CD44: variants seen among roughly 807,000 people sequenced by gnomAD.
CD44 encodes the protein CD44 molecule (IN blood group).
In CD44, 49 loss-of-function variants were observed where a neutral mutation model predicts 88.8. That is an observed-to-expected ratio of 0.55 (90% CI 0.44 to 0.70). The LOEUF (loss-of-function observed/expected upper bound fraction) is 0.70. CD44 is among the 30% of genes least tolerant of loss of function. The pLI is 0.00. For missense variants in CD44, 883 were observed against 913.8 expected (o/e 0.97, Z 0.43); for synonymous variants, 325 against 312.3 (o/e 1.04, Z -0.43).
At chr11:35,144,618 C>G (rs533020414) in intron 1 of CD44, among the ~76,000 whole-genome samples, 1 of 152,236 alleles carries the variant, frequency 6.6e-6, no homozygotes, top group East Asian at 1.9e-4. Context: ...CAGAGTAAAC[C>G]GGAAGGGGTG....
chr11:35,181,945 A>AAATATATATT lies in CD44; in HGVS notation c.367+1539_367+1540insATATATATTA, dbSNP rs1565081207. Among the ~76,000 whole-genome samples the AAATATATATT allele has an allele frequency of 1.0e-3, 79 of 77,138 alleles. 3 individuals carry two copies. Among genetic ancestry groups the AAATATATATT allele is most frequent in the African/African-American group, 4.2e-3 (74 of 17,736 alleles). The allele number at this position is 77,138 out of a possible 152,430, so 50.6% of individuals were successfully genotyped here. A position where few individuals can be genotyped will look rare whatever the true frequency, so the allele number is the denominator to read the frequency against. Reference sequence around the variant, plus strand: ...ATTATATTATATATAAATTATATATAATATATATAAATTTTATATATATAA... The same window carrying AAATATATATT: ...ATTATATTATATATAAATTATATATAAATATATATTATATATATAAATTTTATATATATAA... On this transcript the variant is annotated intron_variant, in intron 3 of 17. Coordinates refer to ENST00000428726, the MANE Select transcript of CD44 (RefSeq NM_000610.4).
At chr11:35,143,812 A>G (rs949697071) in intron 1 of CD44, among the ~76,000 whole-genome samples, 2 of 152,244 alleles carry the variant, frequency 1.3e-5, no homozygotes, top group African/African-American at 2.4e-5. Flanking sequence ...ATCCCTTATC[A>G]GAGTCCAGCT....
intron 2 of CD44, among the ~76,000 whole-genome samples, chr11:35,179,607 T>A (rs1193239891): frequency 6.6e-6 from 1 of 152,182 alleles, no homozygotes; most frequent in East Asian, 1.9e-4. Context: ...GCTTACTTAA[T>A]TGCTATGACT....
intron 1 of CD44, among the ~76,000 whole-genome samples, chr11:35,160,957 A>G (rs1005647814): frequency 5.3e-5 from 8 of 152,070 alleles, no homozygotes; most frequent in African/African-American, 1.9e-4. Context: ...CCTCTCTATC[A>G]AGAGAGAACA....
At chr11:35,177,284 G>T (rs1402447809) in intron 2 of CD44, among the ~76,000 whole-genome samples, 2 of 152,178 alleles carry the variant, frequency 1.3e-5, no homozygotes, top group South Asian at 2.1e-4. Context: ...TTATTTTTGG[G>T]AGCCCTGAGA....
intron 1 of CD44, among the ~76,000 whole-genome samples, chr11:35,144,346 G>A (rs1471061890): frequency 6.6e-6 from 1 of 152,222 alleles, no homozygotes; most frequent in Non-Finnish European, 1.5e-5. Flanking sequence ...ATGCTACCAG[G>A]CACCGTGTAG....
chr11:35,160,792 C>A (rs1942494724), intron 1 of CD44, among the ~76,000 whole-genome samples: 1 of 152,208 alleles, frequency 6.6e-6, no homozygotes, highest in African/African-American at 2.4e-5. Flanking sequence ...TACTAAATGG[C>A]AGACACTGGG....
intron 1 of CD44, among the ~76,000 whole-genome samples, chr11:35,145,713 C>G (rs539097689): frequency 1.3e-5 from 2 of 152,194 alleles, no homozygotes; most frequent in African/African-American, 4.8e-5. Context: ...GAGAGGCCCA[C>G]ACTCCTCCAA....
intron 1 of CD44, among the ~76,000 whole-genome samples, chr11:35,157,241 A>G (rs538694847): frequency 6.6e-6 from 1 of 152,218 alleles, no homozygotes; most frequent in South Asian, 2.1e-4. Flanking sequence ...GTGACTTACC[A>G]TGGTGGATGC....
intron 1 of CD44, among the ~76,000 whole-genome samples, chr11:35,174,653 C>A (rs1441460110): frequency 6.6e-6 from 1 of 152,216 alleles, no homozygotes; most frequent in Admixed American, 6.5e-5. Flanking sequence ...ACAAAACTCA[C>A]TAAAGTCCTT....
In CD44 at chr11:35,176,655, G is replaced by A. The variant is rs1382326348; in HGVS notation, c.148G>A (p.Ala50Thr). Residue 50 changes from alanine to threonine, a missense_variant, in exon 2 of 18, where the codon GCT (alanine) becomes ACT (threonine). Physicochemically the swap from Ala to Thr is moderately conservative, Grantham distance 58. Transcript: ENST00000428726. ...GRYSISRTEA[A>T]DLCKAFNSTL... ...CTACAGCATCTCTCGGACGGAGGCC[G>A]CTGACCTCTGCAAGGCTTTCAATAG... 6 of 1,613,956 alleles carry A rather than the reference G, an allele frequency of 3.7e-6. No homozygotes were observed. In the East Asian group the frequency reaches 6.7e-5, roughly 18 times the overall value.
chr11:35,183,074 C>T (rs781718582), intron 3 of CD44, among the ~76,000 whole-genome samples: 2 of 152,058 alleles, frequency 1.3e-5, no homozygotes, highest in Non-Finnish European at 2.9e-5. Context: ...AGTTGAAAAG[C>T]TTGAGAAGTA....
rs912972204 is a variant in CD44, at chr11:35,211,262, A to G, written c.1623A>G (p.Thr541=). ...TCCACACAGATAGGAATGATGTCAC[A>G]GGTGGAAGAAGAGACCCAAATCATT... ...TLTSSNRNDV[T]GGRRDPNHSE... Residue 541 remains threonine, a synonymous_variant, in exon 14 of 18, where the codon ACA becomes ACG. Coordinates refer to ENST00000428726, the MANE Select transcript of CD44 (RefSeq NM_000610.4). 6.2e-7 allele frequency: 1 copy of G among 1,613,432 alleles called. No individual in the cohort carries two copies. The highest frequency in any genetic ancestry group is 1.3e-5 in the African/African-American group (1 of 74,892).
chr11:35,166,992 C>T (rs1943347935), intron 1 of CD44, among the ~76,000 whole-genome samples: 1 of 152,204 alleles, frequency 6.6e-6, no homozygotes, highest in Non-Finnish European at 1.5e-5. Flanking sequence ...GAGATGGGGG[C>T]GAGTGATGTG....
At chr11:35,183,338 C>CAA (rs5791038) in intron 3 of CD44, among the ~76,000 whole-genome samples, 2,733 of 126,600 alleles carry the variant, frequency 0.022, 79 homozygotes, top group African/African-American at 0.063. Context: ...AGCAATGAGA[C>CAA]AAAAAAAAAA....
At chr11:35,208,743 C>T (rs1948126583) in intron 12 of CD44, among the ~76,000 whole-genome samples, 2 of 152,186 alleles carry the variant, frequency 1.3e-5, no homozygotes. Flanking sequence ...GCTAGTATCT[C>T]TTTCTATCAC....
chr11:35,155,044 A>C (rs1411982897), intron 1 of CD44, among the ~76,000 whole-genome samples: 1 of 152,218 alleles, frequency 6.6e-6, no homozygotes, highest in Non-Finnish European at 1.5e-5. Context: ...TTAGCAGCAG[A>C]AGAAAGAGTG....
chr11:35,206,667 G>GT (rs1554971894), intron 11 of CD44, among the ~76,000 whole-genome samples: 1 of 64,588 alleles, frequency 1.5e-5, no homozygotes, highest in Non-Finnish European at 4.3e-5. Flanking sequence ...GGTGGGGGTT[G>GT]GTGGGGGGGG....
chr11:35,220,295 G>A (rs560523756), intron 16 of CD44, among the ~76,000 whole-genome samples: 30 of 152,272 alleles, frequency 2.0e-4, no homozygotes, highest in African/African-American at 7.2e-4. Flanking sequence ...GTGCAGGTGG[G>A]ATATCTCAGG....
Sources: allele counts gnomAD v4.1 joint callset (sites outside exome capture counted in the v4.1 genomes callset), GRCh38; gene constraint gnomAD v4.1.1; transcripts MANE v1.5; gene names NCBI Gene and HGNC (gene_info 2026-07-23, HGNC 2026-07-21).